Variants in SEMA3E observed in about 807,000 individuals in gnomAD.
SEMA3E encodes semaphorin 3E.
Under a neutral mutation model 93.6 loss-of-function variants are expected in SEMA3E, and 49 were observed. The ratio of observed to expected loss-of-function variants is 0.52; its 90% confidence interval spans 0.42 to 0.66. The LOEUF (loss-of-function observed/expected upper bound fraction) is 0.66. Ranked by LOEUF, SEMA3E falls within the 30% of genes least tolerant of loss-of-function variation. SEMA3E has a pLI of 0.00. For synonymous variants in SEMA3E, 363 were observed against 330.7 expected (o/e 1.10, Z -1.06); for missense variants, 906 against 964.8 (o/e 0.94, Z 0.81).
At chr7:83,459,303 C>G (rs1789560775) in intron 4 of SEMA3E, among the ~76,000 whole-genome samples, 1 of 151,962 alleles carries the variant, frequency 6.6e-6, no homozygotes, top group East Asian at 1.9e-4. Context: ...GAAAACAAAA[C>G]AAAACCACAA....
chr7:83,645,106 A>T (rs1794063011), intron 1 of SEMA3E, among the ~76,000 whole-genome samples: 2 of 151,858 alleles, frequency 1.3e-5, no homozygotes, highest in African/African-American at 2.4e-5. Context: ...CAAGAAGCTT[A>T]TTTTTGCCTT....
intron 1 of SEMA3E, among the ~76,000 whole-genome samples, chr7:83,597,931 A>T (rs1792910807): frequency 6.6e-6 from 1 of 152,202 alleles, no homozygotes; most frequent in Non-Finnish European, 1.5e-5. Context: ...TATAAGAGAC[A>T]AGGAGTTTGA....
At chr7:83,434,053 A>G (rs527504586) in intron 4 of SEMA3E, among the ~76,000 whole-genome samples, 13 of 152,120 alleles carry the variant, frequency 8.5e-5, no homozygotes, top group Non-Finnish European at 1.5e-4. Context: ...GGTTGGTGCT[A>G]AATAACTGTA....
intron 1 of SEMA3E, among the ~76,000 whole-genome samples, chr7:83,550,720 A>G (rs146704899): frequency 2.6e-5 from 4 of 152,224 alleles, no homozygotes; most frequent in Non-Finnish European, 5.9e-5. Flanking sequence ...ATTCATTTCT[A>G]TATCAAGAAG....
rs768717411 is a variant in SEMA3E, at chr7:83,469,272, C to T, written c.307G>A (p.Glu103Lys). The T allele has an allele frequency of 1.2e-6, 2 of 1,610,966 alleles. No homozygotes were observed. Among genetic ancestry groups the T allele is most frequent in the East Asian group, 4.5e-5 (2 of 44,744 alleles). The change falls in exon 3 of 17, where the codon GAA (glutamate) becomes AAA (lysine). Residue 103 changes from glutamate (E) to lysine (K), a missense_variant. By Grantham distance (56) the Glu-to-Lys change is moderately conservative. Coordinates refer to ENST00000643230, the MANE Select transcript of SEMA3E (RefSeq NM_012431.3). ...IHWPSTALKMEECIMKGKDAG... is the reference protein window; with the variant it reads ...IHWPSTALKMKECIMKGKDAG... ...TCTTTTCCCTTCATTATGCATTCTTCCATTTTTAGAGCTGTACTCGGCCAG... is the reference window on the plus strand; with the variant it reads ...TCTTTTCCCTTCATTATGCATTCTTTCATTTTTAGAGCTGTACTCGGCCAG...
At position 83,490,202 on chromosome 7, in the gene SEMA3E, A is replaced by G; in HGVS notation, c.188T>C (p.Leu63Pro). The change falls in exon 2 of 17, where the codon CTG (leucine) becomes CCG (proline). Residue 63 changes from leucine to proline, a missense_variant. Leu to Pro is a moderately conservative substitution (Grantham distance 98). Coordinates refer to ENST00000643230, the MANE Select transcript of SEMA3E (RefSeq NM_012431.3). Reference protein sequence around the residue: ...FGFLDLHTMLLDEYQERLFVG... With the variant: ...FGFLDLHTMLPDEYQERLFVG... The stretch of plus-strand genomic sequence containing the variant: ...GAAGAGCCTCTCTTGATATTCATCC[A>G]GCAGCATTGTATGGAGATCAAGAAA... 1 of 1,613,190 alleles carries G rather than the reference A, an allele frequency of 6.2e-7. No homozygotes were observed. The highest frequency in any genetic ancestry group is 8.5e-7 in the Non-Finnish European group (1 of 1,179,452).
intron 1 of SEMA3E, among the ~76,000 whole-genome samples, chr7:83,567,774 T>G (rs937573531): frequency 4.6e-5 from 7 of 151,964 alleles, no homozygotes; most frequent in African/African-American, 1.7e-4. Flanking sequence ...GAGAGCAGTT[T>G]ATAACAATAA....
chr7:83,485,484 A>G (rs1790232800), intron 2 of SEMA3E, among the ~76,000 whole-genome samples: 1 of 152,198 alleles, frequency 6.6e-6, no homozygotes, highest in African/African-American at 2.4e-5. Context: ...TGGTACTTCT[A>G]CAGCAAATAA....
At chr7:83,489,839 G>A (rs527970808) in intron 2 of SEMA3E, among the ~76,000 whole-genome samples, 1 of 152,110 alleles carries the variant, frequency 6.6e-6, no homozygotes, top group Non-Finnish European at 1.5e-5. Context: ...AGGACATTGG[G>A]TGTGGTGACA....
intron 5 of SEMA3E, 136 bp from the exon 6 acceptor site, chr7:83,408,623 G>A (rs573272617): frequency 3.9e-4 from 397 of 1,030,834 alleles, no homozygotes; most frequent in Non-Finnish European, 5.5e-4. Context: ...AGCATGGATG[G>A]TATAGTAAGA....
At chr7:83,478,053 T>G (rs1161183350) in intron 2 of SEMA3E, among the ~76,000 whole-genome samples, 1 of 152,078 alleles carries the variant, frequency 6.6e-6, no homozygotes, top group African/African-American at 2.4e-5. Flanking sequence ...CCCAACTAGC[T>G]GGGATTACAG....
At chr7:83,419,188 G>A (rs892399670) in intron 4 of SEMA3E, among the ~76,000 whole-genome samples, 1 of 152,076 alleles carries the variant, frequency 6.6e-6, no homozygotes, top group Admixed American at 6.6e-5. Context: ...TTAGGATAAT[G>A]ACCTCTACCT....
chr7:83,625,065 T>C (rs1477034554), intron 1 of SEMA3E, among the ~76,000 whole-genome samples: 5 of 152,192 alleles, frequency 3.3e-5, no homozygotes, highest in Admixed American at 1.3e-4. Context: ...GAGGCCTCTG[T>C]TCTGTTCCAT....
chr7:83,548,086 G>A (rs1455616860), intron 1 of SEMA3E, among the ~76,000 whole-genome samples: 1 of 151,956 alleles, frequency 6.6e-6, no homozygotes, highest in Non-Finnish European at 1.5e-5. Context: ...TCCTGTCTTT[G>A]TTCCAGGATT....
intron 14 of SEMA3E, among the ~76,000 whole-genome samples, 174 bp downstream of exon 14, chr7:83,392,381 A>C (rs903609158): frequency 3.9e-5 from 6 of 152,018 alleles, no homozygotes; most frequent in African/African-American, 1.5e-4. Context: ...AGAGGGAAAA[A>C]CTGACTCAAA....
intron 4 of SEMA3E, among the ~76,000 whole-genome samples, chr7:83,464,815 C>T (rs1053221604): frequency 2.9e-4 from 42 of 147,018 alleles, no homozygotes; most frequent in African/African-American, 1.0e-3. Context: ...CGCCCCTAAT[C>T]CTGCTTGAAG....
chr7:83,521,155 T>C lies in SEMA3E; in HGVS notation c.116-30881A>G, dbSNP rs190877366. ...GGTAGAAGTTTTATGGGGACCTCTGTAGGAGTTCTTGCCCATAAGAATTTT... is the reference window on the plus strand; with the variant it reads ...GGTAGAAGTTTTATGGGGACCTCTGCAGGAGTTCTTGCCCATAAGAATTTT... On this transcript the variant is annotated intron_variant, in intron 1 of 16. Coordinates refer to ENST00000643230, the MANE Select transcript of SEMA3E (RefSeq NM_012431.3). Among the ~76,000 whole-genome samples, 8 of 152,144 alleles carry C rather than the reference T, an allele frequency of 5.3e-5. No individual in the cohort carries two copies. The South Asian group carries it at 1.5e-3, about 28-fold the overall frequency.
In SEMA3E at chr7:83,409,400, G is replaced by A. The variant is rs1165257306; in HGVS notation, c.551-913C>T. 3.3e-5 allele frequency among the ~76,000 whole-genome samples: 5 copies of A among 152,074 alleles called. No individual in the cohort carries two copies. The East Asian group carries it at 9.6e-4, about 29-fold the overall frequency. On this transcript the variant is annotated intron_variant, in intron 5 of 16. Transcript: ENST00000643230. ...ATACCCGGCTCAGTTGTCCTGTCTGGAGCAAAAATCTCTGGCCAAGAAACA... is the reference window on the plus strand; with the variant it reads ...ATACCCGGCTCAGTTGTCCTGTCTGAAGCAAAAATCTCTGGCCAAGAAACA...
intron 1 of SEMA3E, among the ~76,000 whole-genome samples, chr7:83,633,348 T>C (rs1793823463): frequency 6.6e-6 from 1 of 151,834 alleles, no homozygotes; most frequent in African/African-American, 2.4e-5. Flanking sequence ...ATATTTATTA[T>C]ACACCTCCTT....
Sources: gnomAD v4.1 joint callset for allele counts (sites outside exome capture counted in the v4.1 genomes callset) on GRCh38, gnomAD v4.1.1 for gene constraint, MANE v1.5 for transcripts, NCBI Gene and HGNC (gene_info 2026-07-23, HGNC 2026-07-21) for gene names.